The following NDUFA10 variants were observed in gnomAD, a reference collection of about 807,000 sequenced individuals.
The protein encoded by NDUFA10 is NADH:ubiquinone oxidoreductase subunit A10, also known as NADH dehydrogenase [ubiquinone] 1 alpha subcomplex subunit 10, mitochondrial.
In NDUFA10, 40 loss-of-function variants were observed where a neutral mutation model predicts 47.8. That is an observed-to-expected ratio of 0.84 (90% CI 0.65 to 1.09). The LOEUF (loss-of-function observed/expected upper bound fraction) is 1.09. NDUFA10 is among the 50% of genes least tolerant of loss of function. The pLI is 0.00. For missense variants in NDUFA10, 413 were observed against 451.1 expected (o/e 0.92, Z 0.76); for synonymous variants, 183 against 172.2 (o/e 1.06, Z -0.49).
At chr2:239,895,177 T>G in intron 5 of NDUFA10, 1 of 428,690 alleles carries the variant, frequency 2.3e-6, no homozygotes, top group Non-Finnish European at 4.9e-6. Flanking sequence ...CCAGGATGCC[T>G]GCCAGGCCTC....
intron 4 of NDUFA10, among the ~76,000 whole-genome samples, chr2:239,923,264 A>G (rs1694018058): frequency 6.6e-6 from 1 of 152,242 alleles, no homozygotes; most frequent in South Asian, 2.1e-4. Context: ...TAGACACAAA[A>G]TCAGCAAAGA....
At chr2:239,949,129 C>T (rs536086791) in intron 4 of NDUFA10, among the ~76,000 whole-genome samples, 2 of 152,302 alleles carry the variant, frequency 1.3e-5, no homozygotes, top group Non-Finnish European at 2.9e-5. Context: ...AGGATAGTGT[C>T]GGGATTTTAA....
chr2:239,932,087 G>A (rs1409384303), intron 4 of NDUFA10, among the ~76,000 whole-genome samples: 1 of 151,908 alleles, frequency 6.6e-6, no homozygotes, highest in African/African-American at 2.4e-5. Context: ...ACCCTCTTCG[G>A]CCTCCCAAAG....
rs1287958041 is a variant in NDUFA10 at position 239,898,957 on chromosome 2, GTGGCAGGGTGTGATGAAGAGGTA to G, written c.295-3666_295-3644del. ...GTGTGACGGAGGGGTGTGGAGGGGT[GTGGCAGGGTGTGATGAAGAGGTA>G]TGATGGAGAGGTGTGATGGAGAGGT... On this transcript the variant is annotated intron_variant, in intron 4 of 5. Coordinates refer to the NDUFA10 transcript ENST00000419408. 5.1e-5 allele frequency among the ~76,000 whole-genome samples: 6 copies of G among 117,706 alleles called. No individual in the cohort carries two copies. The East Asian group carries it at 1.1e-3, about 21-fold the overall frequency. 77.2% of individuals were successfully genotyped at this position (117,706 alleles called of 152,430 possible).
rs567990703 is a variant in NDUFA10, at chr2:239,906,510, C to T, written c.295-11196G>A. Among the ~76,000 whole-genome samples the T allele has an allele frequency of 1.7e-4, 26 of 152,254 alleles. 1 individual carries two copies. The East Asian group carries it at 4.1e-3, about 24-fold the overall frequency. On this transcript the variant is annotated intron_variant, in intron 4 of 5. Transcript: ENST00000419408. The surrounding 1 kb of genome is among the most constrained non-coding windows in gnomAD (Gnocchi z 4.3). ...GGAGTCCCCGCACTTATAGTGCCTC[C>T]CATTGCTAAGGCAGGCAGGACAACA...
At chr2:239,978,037 A>G (rs1695599010) in intron 9 of NDUFA10, among the ~76,000 whole-genome samples, 1 of 151,872 alleles carries the variant, frequency 6.6e-6, no homozygotes, top group Non-Finnish European at 1.5e-5. Context: ...TGCTTGGTGA[A>G]CTGGGATCTC....
Position 239,959,611 on chromosome 2 carries a change from C to T in NDUFA10, c.*1507G>A. ...TCCTGGGAAACTTTATTTTCAAATT[C>T]TTAAAACAAGGAAGGAGGCAGGGAG... On this transcript the variant is annotated 3_prime_UTR_variant, in exon 10 of 10. Coordinates refer to ENST00000252711, the MANE Select transcript of NDUFA10 (RefSeq NM_004544.4). 2.0e-6 allele frequency: 2 copies of T among 985,590 alleles called. No individual in the cohort carries two copies. Among genetic ancestry groups the T allele is most frequent in the Non-Finnish European group, 2.4e-6 (2 of 830,082 alleles). 61.1% of individuals were successfully genotyped at this position (985,590 alleles called of 1,614,324 possible). A position where few individuals can be genotyped will look rare whatever the true frequency, so the allele number is the denominator to read the frequency against.
At chr2:239,992,692 G>A (rs1559365322) in intron 8 of NDUFA10, among the ~76,000 whole-genome samples, 1 of 152,206 alleles carries the variant, frequency 6.6e-6, no homozygotes, top group African/African-American at 2.4e-5. Flanking sequence ...GTCCTCGGAG[G>A]TCCTGACTGG....
At chr2:239,937,371 G>A (rs533122044) in intron 4 of NDUFA10, among the ~76,000 whole-genome samples, 15 of 152,236 alleles carry the variant, frequency 9.9e-5, no homozygotes, top group East Asian at 5.8e-4. Flanking sequence ...GTCACTGCCC[G>A]TTCCCCTTCC....
At chr2:239,909,975 T>C (rs1257136527) in intron 4 of NDUFA10, among the ~76,000 whole-genome samples, 1 of 148,302 alleles carries the variant, frequency 6.7e-6, no homozygotes, top group Non-Finnish European at 1.5e-5. Flanking sequence ...AAGCTCAACA[T>C]CACTGGTCAT....
chr2:240,024,864 A>C (rs1697789548), intron 1 of NDUFA10, among the ~76,000 whole-genome samples: 1 of 152,150 alleles, frequency 6.6e-6, no homozygotes, highest in African/African-American at 2.4e-5. Flanking sequence ...GCAGGGCCCG[A>C]CCTTTAAACG....
At position 240,014,758 on chromosome 2, in the gene NDUFA10, C is replaced by T. The variant is rs374189373; in HGVS notation, c.650G>A (p.Arg217Gln). Residue 217 changes from arginine to glutamine, a missense_variant, in exon 5 of 10, where the codon CGG becomes CAG. By Grantham distance (43) the Arg-to-Gln change is conservative (BLOSUM62 1). Coordinates refer to ENST00000252711, the MANE Select transcript of NDUFA10 (RefSeq NM_004544.4). ...CATTACATCTCCTTTCTTCTGAATC[C>T]GCCTCTGGACCTCTGGAACGGGCAC... is the stretch of plus-strand genomic sequence containing the variant. ...IDVPVPEVQR[R>Q]IQKKGDPHEM... 4.9e-5 allele frequency: 79 copies of T among 1,614,166 alleles called. No individual in the cohort carries two copies. In the South Asian group the frequency reaches 5.4e-4, roughly 11 times the overall value.
chr2:239,938,108 C>T (rs116594026), intron 4 of NDUFA10, among the ~76,000 whole-genome samples: 1,839 of 152,224 alleles, frequency 0.012, 39 homozygotes, highest in African/African-American at 0.039. Context: ...AGTGCTCGGC[C>T]GCAACCCCAG....
In NDUFA10 at chr2:240,017,788, C is replaced by T. The variant is rs538138173; in HGVS notation, c.547+765G>A. ...ACCAGGACACACAAGCAGCCAGAAG[C>T]AGGCGCCTCCTCCACAGAATGGTCA... On this transcript the variant is annotated intron_variant, in intron 4 of 9. Transcript: ENST00000252711. The T allele has an allele frequency of 7.9e-5, 122 of 1,536,734 alleles. No homozygotes were observed. In the African/African-American group the frequency reaches 1.5e-3, roughly 19 times the overall value.
At chr2:239,899,723 A>G (rs961367521) in intron 4 of NDUFA10, among the ~76,000 whole-genome samples, 1 of 152,058 alleles carries the variant, frequency 6.6e-6, no homozygotes, top group African/African-American at 2.4e-5. Flanking sequence ...CCTGGGCCTC[A>G]ATGCAACACT....
chr2:239,955,153 A>C (rs1162126374), downstream of NDUFA10, among the ~76,000 whole-genome samples: 1 of 152,216 alleles, frequency 6.6e-6, no homozygotes, highest in Non-Finnish European at 1.5e-5. Flanking sequence ...CTTCGTGTGA[A>C]GTATACAAAT....
chr2:239,911,414 G>A (rs940145847), intron 4 of NDUFA10, among the ~76,000 whole-genome samples: 1 of 152,126 alleles, frequency 6.6e-6, no homozygotes, highest in African/African-American at 2.4e-5. Flanking sequence ...GGGGACTGGG[G>A]CATGCACATT....
intron 4 of NDUFA10, among the ~76,000 whole-genome samples, chr2:239,918,183 G>A (rs1387171184): frequency 1.3e-5 from 2 of 152,164 alleles, no homozygotes; most frequent in Admixed American, 6.5e-5. Flanking sequence ...GGGTGCCACA[G>A]ATGGACCATG....
intron 4 of NDUFA10, among the ~76,000 whole-genome samples, chr2:239,939,074 A>G (rs1184440943): frequency 6.6e-6 from 1 of 152,198 alleles, no homozygotes; most frequent in Admixed American, 6.5e-5. Context: ...CGCAGGGCTT[A>G]GGCAGACGTA....
Sources: gnomAD v4.1 joint callset for allele counts (sites outside exome capture counted in the v4.1 genomes callset) on GRCh38, gnomAD v4.1.1 for gene constraint, Gnocchi (gnomAD v3.1) non-coding constraint, MANE v1.5 for transcripts, NCBI Gene and HGNC (gene_info 2026-07-23, HGNC 2026-07-21) for gene names.